Variants in RALYL observed in about 807,000 individuals in gnomAD.
RALYL encodes RNA-binding Raly-like protein.
Under a neutral mutation model 35.1 loss-of-function variants are expected in RALYL, and 29 were observed. That is an observed-to-expected ratio of 0.83 (90% CI 0.61 to 1.13). The LOEUF is 1.13. Ranked by LOEUF, RALYL falls within the 50% of genes most tolerant of loss-of-function variation. The probability of loss-of-function intolerance (pLI) is 0.00; values close to 1 mark genes in which losing one functional copy is unlikely to be tolerated. For synonymous variants in RALYL, 120 were observed against 127.6 expected, an observed-to-expected ratio of 0.94 and a Z score of 0.40; for missense variants, 359 against 360.4, an observed-to-expected ratio of 1.00 and a Z score of 0.03.
chr8:84,431,023 G>A (rs1198345305), intron 1 of RALYL, among the ~76,000 whole-genome samples: 3 of 152,056 alleles, frequency 2.0e-5, no homozygotes, highest in Non-Finnish European at 4.4e-5. Flanking sequence ...CTGTAAAGTA[G>A]GGCACTAATA....
intron 1 of RALYL, among the ~76,000 whole-genome samples, chr8:84,431,326 T>A (rs1190082584): frequency 6.6e-6 from 1 of 152,068 alleles, no homozygotes; most frequent in Non-Finnish European, 1.5e-5. Flanking sequence ...TACTATACTA[T>A]CCTGACTCCC....
At chr8:84,381,673 A>G (rs183299876) in intron 1 of RALYL, among the ~76,000 whole-genome samples, 23 of 151,892 alleles carry the variant, frequency 1.5e-4, no homozygotes, top group Admixed American at 4.6e-4. Context: ...CCTTCTCCCA[A>G]TCATACTCAG....
intron 2 of RALYL, among the ~76,000 whole-genome samples, chr8:84,766,476 G>A (rs999488345): frequency 6.6e-6 from 1 of 150,692 alleles, no homozygotes; most frequent in East Asian, 2.0e-4. Context: ...GGTGGATCAC[G>A]AGTTCAGGAG....
intron 2 of RALYL, among the ~76,000 whole-genome samples, chr8:84,530,477 T>A (rs943359857): frequency 2.2e-5 from 3 of 137,766 alleles, no homozygotes; most frequent in Non-Finnish European, 4.8e-5. Flanking sequence ...AACCCCCAAT[T>A]TATCCAGTTT....
chr8:84,835,244 G>A (rs1586647457), intron 4 of RALYL, among the ~76,000 whole-genome samples: 1 of 152,120 alleles, frequency 6.6e-6, no homozygotes, highest in Non-Finnish European at 1.5e-5. Context: ...GAAGCAGAGA[G>A]CTGACAAGCA....
At chr8:84,231,059 AC>A (rs1386117039) in intron 1 of RALYL, among the ~76,000 whole-genome samples, 1 of 152,244 alleles carries the variant, frequency 6.6e-6, no homozygotes, top group African/African-American at 2.4e-5. Context: ...AGAAGAGAAG[AC>A]ATTTAACTAA....
At chr8:84,363,280 T>C (rs373593061) in intron 1 of RALYL, among the ~76,000 whole-genome samples, 2 of 152,196 alleles carry the variant, frequency 1.3e-5, no homozygotes, top group South Asian at 4.2e-4. Context: ...TGCAGAAAAA[T>C]CTGGTCTCTT....
chr8:84,199,627 A>G (rs899712257), intron 1 of RALYL, among the ~76,000 whole-genome samples: 7 of 152,154 alleles, frequency 4.6e-5, no homozygotes, highest in African/African-American at 1.4e-4. Context: ...TCATAGTTTG[A>G]GGTCTTAGAT....
intron 8 of RALYL, among the ~76,000 whole-genome samples, chr8:84,919,648 G>A (rs1252958428): frequency 6.6e-6 from 1 of 152,058 alleles, no homozygotes; most frequent in Non-Finnish European, 1.5e-5. Context: ...GAAAAAGGCA[G>A]TGAAGGAGAG....
chr8:84,321,788 A>C lies in RALYL; in HGVS notation c.-24+137364A>C, dbSNP rs75997278. ...TCAACAAAGCTCTAGTATAATAATA[A>C]ATTACAGCTGAAAGAGCTTTAAGAC... On this transcript the variant is annotated intron_variant, in intron 1 of 8. Coordinates refer to ENST00000521268, the MANE Select transcript of RALYL (RefSeq NM_173848.7). Among the ~76,000 whole-genome samples the C allele has an allele frequency of 2.3e-3, 349 of 152,262 alleles. 7 individuals carry two copies. In the East Asian group the frequency reaches 0.058, roughly 25 times the overall value.
chr8:84,681,990 T>C (rs1375724353), intron 2 of RALYL, among the ~76,000 whole-genome samples: 3 of 152,150 alleles, frequency 2.0e-5, no homozygotes, highest in Admixed American at 2.0e-4. Context: ...CATAGATAGC[T>C]CTTATCATTT....
In RALYL at chr8:84,183,324, T is replaced by G. The variant is rs965317266; in HGVS notation, c.-1124T>G. 6.5e-6 allele frequency: 1 copy of G among 154,450 alleles called. No homozygotes were observed. 9.6% of individuals were successfully genotyped at this position (154,450 alleles called of 1,614,324 possible). ...CTGCCGCTGCCGCTGCTGCCGCCAC[T>G]GGTGTTGCCGCTCTCAGGCGCCAGG... On this transcript the variant is annotated 5_prime_UTR_variant, in exon 1 of 9. Coordinates refer to ENST00000521268, the MANE Select transcript of RALYL (RefSeq NM_173848.7).
Position 84,862,439 on chromosome 8 carries a change from C to A in RALYL, c.557C>A (p.Ser186Ter). 6.3e-7 allele frequency: 1 copy of A among 1,598,322 alleles called. No homozygotes were observed. Among genetic ancestry groups the A allele is most frequent in the South Asian group, 1.1e-5 (1 of 88,134 alleles). ...GGATCGAGATCTACTGCCAGTGGGT[C>A]AACAGGTTCTAAATGTAAGTAATGT... Reference protein sequence around the residue: ...KGGSRSTASGSTGSKLKSDEL... With the variant: ...KGGSRSTASG Residue 186 changes from serine to a stop codon, truncating the protein, a stop_gained, in exon 6 of 9, where the codon TCA becomes TAA. Transcript: ENST00000521268. LOFTEE classifies it high-confidence loss of function.
intron 1 of RALYL, among the ~76,000 whole-genome samples, chr8:84,366,892 G>T (rs919126863): frequency 2.7e-5 from 4 of 147,746 alleles, no homozygotes; most frequent in African/African-American, 1.0e-4. Flanking sequence ...TGTCAAATCA[G>T]ATTTTCACAA....
chr8:84,775,159 T>C (rs1374526285), intron 3 of RALYL, among the ~76,000 whole-genome samples: 1 of 152,094 alleles, frequency 6.6e-6, no homozygotes, highest in Non-Finnish European at 1.5e-5. Context: ...TTTCACCATG[T>C]TGGCCAGGTT....
chr8:84,804,438 C>T (rs143077489), intron 3 of RALYL, among the ~76,000 whole-genome samples: 1 of 152,062 alleles, frequency 6.6e-6, no homozygotes, highest in Non-Finnish European at 1.5e-5. Flanking sequence ...TATATAGAAA[C>T]GTCTACAAAC....
chr8:84,336,549 G>A (rs957479515), intron 1 of RALYL, among the ~76,000 whole-genome samples: 5 of 152,042 alleles, frequency 3.3e-5, no homozygotes, highest in African/African-American at 9.7e-5. Context: ...GATAGAATGG[G>A]ATATTTTTAA....
intron 3 of RALYL, among the ~76,000 whole-genome samples, chr8:84,785,025 T>C (rs150069812): frequency 6.6e-6 from 1 of 152,316 alleles, no homozygotes; most frequent in African/African-American, 2.4e-5. Flanking sequence ...GTTTATTGTA[T>C]GAAGGAATCA....
intron 1 of RALYL, among the ~76,000 whole-genome samples, chr8:84,482,868 T>A (rs1334697366): frequency 6.6e-6 from 1 of 152,048 alleles, no homozygotes; most frequent in Non-Finnish European, 1.5e-5. Context: ...CTCTTGTAGG[T>A]CACTGATTCA....
Sources: allele counts gnomAD v4.1 joint callset (sites outside exome capture counted in the v4.1 genomes callset), GRCh38; gene constraint gnomAD v4.1.1; transcripts MANE v1.5; gene names NCBI Gene and HGNC (gene_info 2026-07-23, HGNC 2026-07-21).